The following PPFIA2 variants were observed in gnomAD, a reference collection of about 807,000 sequenced individuals.
PPFIA2 encodes the protein PPFI scaffold protein A2.
Under a neutral mutation model 175.5 loss-of-function variants are expected in PPFIA2, and 46 were observed. The ratio of observed to expected loss-of-function variants is 0.26; its 90% CI spans 0.21 to 0.34. PPFIA2 has a LOEUF of 0.34. PPFIA2 is among the 10% of genes least tolerant of loss of function. The probability of loss-of-function intolerance (pLI) is 1.00; values close to 1 mark genes in which losing one functional copy is unlikely to be tolerated. For synonymous variants in PPFIA2, 568 were observed against 511.4 expected (o/e 1.11, Z -1.49); for missense variants, 1,179 against 1,506.1 (o/e 0.78, Z 3.60).
At chr12:81,703,931 A>G (rs1261181973) in intron 3 of PPFIA2, among the ~76,000 whole-genome samples, 3 of 152,170 alleles carry the variant, frequency 2.0e-5, no homozygotes, top group Non-Finnish European at 1.5e-5. Context: ...CACTTCAAGT[A>G]TCTTGATTTG....
intron 4 of PPFIA2, among the ~76,000 whole-genome samples, chr12:81,593,987 C>T (rs2058972607): frequency 6.6e-6 from 1 of 152,158 alleles, no homozygotes; most frequent in Non-Finnish European, 1.5e-5. Context: ...CTCCCCATTA[C>T]TCACATTACC....
At chr12:81,654,917 A>G (rs1308284129) in intron 4 of PPFIA2, among the ~76,000 whole-genome samples, 2 of 152,128 alleles carry the variant, frequency 1.3e-5, no homozygotes, top group African/African-American at 4.8e-5. Context: ...TGATTGTAGA[A>G]TTCACTGGTG....
At chr12:81,273,763 G>A (rs2039778448) in intron 28 of PPFIA2, among the ~76,000 whole-genome samples, 2 of 152,028 alleles carry the variant, frequency 1.3e-5, no homozygotes, top group African/African-American at 2.4e-5. Flanking sequence ...AGGAATATGA[G>A]AGGAATGCCC....
chr12:81,518,446 C>T (rs2062723552), intron 4 of PPFIA2, among the ~76,000 whole-genome samples: 1 of 152,142 alleles, frequency 6.6e-6, no homozygotes, highest in Admixed American at 6.5e-5. Flanking sequence ...CTAGGAGTAC[C>T]AAATCCACTG....
At chr12:81,720,274 C>T (rs1451295912) in intron 3 of PPFIA2, among the ~76,000 whole-genome samples, 1 of 151,488 alleles carries the variant, frequency 6.6e-6, no homozygotes, top group Non-Finnish European at 1.5e-5. Context: ...CTGTAAAAGG[C>T]TCTTACTGAT....
intron 13 of PPFIA2, among the ~76,000 whole-genome samples, chr12:81,367,414 T>A (rs1424841778): frequency 6.6e-6 from 1 of 151,568 alleles, no homozygotes; most frequent in African/African-American, 2.4e-5. Flanking sequence ...ATGAAATAAA[T>A]ATTGCATTTT....
At chr12:81,334,682 T>C (rs1159356626) in intron 21 of PPFIA2, among the ~76,000 whole-genome samples, 2 of 152,212 alleles carry the variant, frequency 1.3e-5, no homozygotes. Context: ...TCTAAATTTA[T>C]ACATTACTAA....
At chr12:81,521,821 A>C (rs35014282) in intron 4 of PPFIA2, among the ~76,000 whole-genome samples, 11,522 of 143,778 alleles carry the variant, frequency 0.08, 552 homozygotes, top group East Asian at 0.21. Flanking sequence ...CCATCTCACA[A>C]AAAAAAAAAA....
intron 32 of PPFIA2, 147 bp downstream of exon 32, chr12:81,261,802 T>G: frequency 3.5e-6 from 2 of 564,124 alleles, no homozygotes; most frequent in South Asian, 4.8e-5. Context: ...AATATGAAGA[T>G]TTCTTTTTCC....
chr12:81,423,507 T>C (rs576643184), intron 7 of PPFIA2, among the ~76,000 whole-genome samples: 6 of 152,190 alleles, frequency 3.9e-5, no homozygotes, highest in Non-Finnish European at 5.9e-5. Context: ...CAGAATTATC[T>C]CAACAGATAC....
At chr12:81,388,234 C>G (rs185733462) in intron 8 of PPFIA2, among the ~76,000 whole-genome samples, 1 of 152,200 alleles carries the variant, frequency 6.6e-6, no homozygotes, top group Non-Finnish European at 1.5e-5. Context: ...TAATTAAATT[C>G]AAACACACTT....
intron 4 of PPFIA2, among the ~76,000 whole-genome samples, chr12:81,501,194 T>C (rs1044349087): frequency 6.6e-6 from 1 of 152,322 alleles, no homozygotes; most frequent in South Asian, 2.1e-4. Flanking sequence ...TTCATTCTCA[T>C]ACAGCTGAAT....
At chr12:81,419,817 T>C (rs1269846783) in intron 7 of PPFIA2, among the ~76,000 whole-genome samples, 2 of 152,160 alleles carry the variant, frequency 1.3e-5, no homozygotes, top group Non-Finnish European at 2.9e-5. Context: ...TCCAAATCCA[T>C]AGCCATGCCA....
chr12:81,362,158 T>C (rs947374528), intron 15 of PPFIA2, among the ~76,000 whole-genome samples: 12 of 151,278 alleles, frequency 7.9e-5, no homozygotes, highest in African/African-American at 2.9e-4. Context: ...TGTTTTCTTT[T>C]CTTTTATCTG....
At chr12:81,419,598 G>A (rs1364820161) in intron 7 of PPFIA2, among the ~76,000 whole-genome samples, 1 of 151,710 alleles carries the variant, frequency 6.6e-6, no homozygotes, top group East Asian at 1.9e-4. Flanking sequence ...GCTATACCTT[G>A]TATTGTTTGA....
At chr12:81,511,359 T>A (rs2061775634) in intron 4 of PPFIA2, among the ~76,000 whole-genome samples, 1 of 152,004 alleles carries the variant, frequency 6.6e-6, no homozygotes, top group African/African-American at 2.4e-5. Context: ...AAATAATACA[T>A]CTTCAAGGAA....
intron 3 of PPFIA2, among the ~76,000 whole-genome samples, chr12:81,691,377 T>G (rs1016636013): frequency 5.9e-5 from 9 of 152,152 alleles, no homozygotes; most frequent in African/African-American, 2.2e-4. Flanking sequence ...TTTCAATAAA[T>G]ATGTTGATTC....
intron 4 of PPFIA2, among the ~76,000 whole-genome samples, chr12:81,497,167 A>G (rs1193643744): frequency 6.6e-6 from 1 of 152,200 alleles, no homozygotes; most frequent in Non-Finnish European, 1.5e-5. Context: ...CCAAATGTTT[A>G]ACTCACCAAT....
At chr12:81,351,997 C>T (rs2060094673) in intron 17 of PPFIA2, among the ~76,000 whole-genome samples, 1 of 151,968 alleles carries the variant, frequency 6.6e-6, no homozygotes, top group Admixed American at 6.6e-5. Context: ...TGGTTTATCC[C>T]ATTTAAAGGC....
Sources: allele counts gnomAD v4.1 joint callset (sites outside exome capture counted in the v4.1 genomes callset), GRCh38; gene constraint gnomAD v4.1.1; transcripts MANE v1.5; gene names NCBI Gene and HGNC (gene_info 2026-07-23, HGNC 2026-07-21).